TESC: variants seen among roughly 807,000 people sequenced by gnomAD.
The protein encoded by TESC is calcineurin B homologous protein 3.
TESC carries 19 observed loss-of-function variants against 31.0 expected under a neutral mutation model. The observed-to-expected ratio is 0.61, with a 90% CI of 0.43 to 0.90. The LOEUF (loss-of-function observed/expected upper bound fraction) is 0.90, where lower values mean the gene tolerates loss of function less well. TESC is among the 40% of genes least tolerant of loss of function. TESC has a pLI of 0.00. For missense variants in TESC, 248 were observed against 303.8 expected (o/e 0.82, Z 1.36); for synonymous variants, 109 against 114.8 (o/e 0.95, Z 0.32).
intron 2 of TESC, among the ~76,000 whole-genome samples, chr12:117,066,685 G>A (rs1309279557): frequency 6.6e-6 from 1 of 152,118 alleles, no homozygotes. Context: ...TATTGCTCAT[G>A]TTATAGCATG....
At chr12:117,066,848 C>T (rs1954892364) in intron 2 of TESC, among the ~76,000 whole-genome samples, 1 of 152,142 alleles carries the variant, frequency 6.6e-6, no homozygotes, top group African/African-American at 2.4e-5. Context: ...TGGACATTTG[C>T]AGGCTTGTAA....
intron 2 of TESC, among the ~76,000 whole-genome samples, chr12:117,058,745 T>TA (rs3070303): frequency 0.43 from 53,670 of 123,916 alleles, 12,665 homozygotes; most frequent in African/African-American, 0.67. Flanking sequence ...TCCAATCTCT[T>TA]AAAAAAAAAA....
rs561891243 is a variant in TESC, at chr12:117,091,472, C to CA, written c.58+7752dup. Among the ~76,000 whole-genome samples the CA allele has an allele frequency of 9.2e-5, 14 of 152,270 alleles. No individual in the cohort carries two copies. In the South Asian group the frequency reaches 1.9e-3, roughly 20 times the overall value. On this transcript the variant is annotated intron_variant, in intron 1 of 7. Coordinates refer to ENST00000335209, the MANE Select transcript of TESC (RefSeq NM_017899.4). ...ATACATTCTGGAGACCATTAACTCA[C>CA]AAAAAAATATCCTGCCAGGATGGCA...
intron 1 of TESC, among the ~76,000 whole-genome samples, chr12:117,080,935 C>T (rs1298664005): frequency 6.6e-6 from 1 of 152,230 alleles, no homozygotes; most frequent in East Asian, 1.9e-4. Context: ...CACCTCTGAG[C>T]CCTTCTCCAG....
chr12:117,067,253 G>A (rs1168437173), intron 2 of TESC, among the ~76,000 whole-genome samples: 1 of 152,088 alleles, frequency 6.6e-6, no homozygotes, highest in Non-Finnish European at 1.5e-5. Flanking sequence ...ACTTCCTTAT[G>A]AGTATAGTAT....
intron 2 of TESC, among the ~76,000 whole-genome samples, chr12:117,062,952 G>A (rs1488631627): frequency 6.6e-6 from 1 of 152,176 alleles, no homozygotes. Context: ...ACCATCAGGG[G>A]TAGCGGGGAT....
intron 2 of TESC, among the ~76,000 whole-genome samples, chr12:117,059,975 G>C (rs925508961): frequency 6.6e-6 from 1 of 152,128 alleles, no homozygotes; most frequent in African/African-American, 2.4e-5. Flanking sequence ...CACAAATGGT[G>C]TACGATGCCA....
chr12:117,049,704 C>T (rs970660505), intron 3 of TESC, among the ~76,000 whole-genome samples: 1 of 152,036 alleles, frequency 6.6e-6, no homozygotes, highest in Admixed American at 6.5e-5. Flanking sequence ...AGTTCGAGAC[C>T]AGCCTGGCCA....
chr12:117,088,577 A>G (rs1229777174), intron 1 of TESC, among the ~76,000 whole-genome samples: 1 of 151,576 alleles, frequency 6.6e-6, no homozygotes, highest in African/African-American at 2.4e-5. Flanking sequence ...GCTACTCAGG[A>G]GGCTGAGGCA....
intron 1 of TESC, among the ~76,000 whole-genome samples, chr12:117,093,395 G>A (rs924816270): frequency 6.6e-6 from 1 of 152,248 alleles, no homozygotes; most frequent in Non-Finnish European, 1.5e-5. Context: ...CTCCAAATGA[G>A]ATTAGACCAG....
intron 3 of TESC, among the ~76,000 whole-genome samples, chr12:117,049,558 A>G (rs1954616964): frequency 6.6e-6 from 1 of 152,218 alleles, no homozygotes; most frequent in Non-Finnish European, 1.5e-5. Context: ...CAAACAGCCC[A>G]TAGGCCCAAT....
chr12:117,050,873 C>A (rs1454875538), intron 3 of TESC, among the ~76,000 whole-genome samples: 1 of 150,526 alleles, frequency 6.6e-6, no homozygotes, highest in Non-Finnish European at 1.5e-5. Flanking sequence ...TGCAGTGAGC[C>A]AAGATCACGC....
rs199616514 is a variant in TESC, at chr12:117,046,536, G to A, written c.519+23C>T. On this transcript the variant is annotated intron_variant, in intron 6 of 7. Transcript: ENST00000335209. The stretch of plus-strand genomic sequence containing the variant: ...AAGCGGGAAAGGCACTGCGCGTCTC[G>A]GGAGGGCTGCAGGGGCGCTCACCAT... 2.5e-4 allele frequency: 379 copies of A among 1,540,204 alleles called. 2 individuals are homozygous for A. The East Asian group carries it at 7.9e-3, about 32-fold the overall frequency.
chr12:117,051,280 A>G (rs568290027), intron 3 of TESC, among the ~76,000 whole-genome samples: 1 of 152,338 alleles, frequency 6.6e-6, no homozygotes, highest in African/African-American at 2.4e-5. Context: ...ACTAACACCC[A>G]TACGACAGCC....
chr12:117,046,670 C>T lies in TESC; in HGVS notation c.412-4G>A. 6.4e-7 allele frequency: 1 copy of T among 1,552,110 alleles called. No homozygotes were observed. The highest frequency in any genetic ancestry group is 8.7e-7 in the Non-Finnish European group (1 of 1,147,154). ...CCGACAGCAGCTCCTCGACCACCTGCCAGGTGGGGCGGAAACAAACGGTGA... is the reference window on the plus strand; with the variant it reads ...CCGACAGCAGCTCCTCGACCACCTGTCAGGTGGGGCGGAAACAAACGGTGA... On this transcript the variant is annotated splice_polypyrimidine_tract_variant and splice_region_variant and intron_variant, in intron 5 of 7. Transcript: ENST00000335209.
At chr12:117,069,879 TA>T (rs1189534966) in intron 2 of TESC, among the ~76,000 whole-genome samples, 1 of 152,246 alleles carries the variant, frequency 6.6e-6, no homozygotes, top group African/African-American at 2.4e-5. Context: ...TGATCATTTT[TA>T]AGGGGACTTT....
intron 3 of TESC, chr12:117,053,909 GC>G (rs1187404870): frequency 1.3e-5 from 2 of 152,230 alleles, no homozygotes; most frequent in African/African-American, 4.8e-5. Context: ...CTGGGGACTG[GC>G]CTAAGACGCA....
intron 2 of TESC, among the ~76,000 whole-genome samples, chr12:117,057,598 T>TG (rs1954742878): frequency 6.6e-6 from 1 of 152,148 alleles, no homozygotes; most frequent in Non-Finnish European, 1.5e-5. Context: ...AGGTTAAACA[T>TG]GGAGTATTGA....
intron 2 of TESC, among the ~76,000 whole-genome samples, chr12:117,061,955 T>C (rs939066731): frequency 2.0e-5 from 3 of 152,152 alleles, no homozygotes; most frequent in African/African-American, 7.2e-5. Context: ...ATGGGGCTAA[T>C]GAGATGATCA....
Sources: gnomAD v4.1 joint callset for allele counts (sites outside exome capture counted in the v4.1 genomes callset) on GRCh38, gnomAD v4.1.1 for gene constraint, MANE v1.5 for transcripts, NCBI Gene and HGNC (gene_info 2026-07-23, HGNC 2026-07-21) for gene names.